Variants in GLRX3 observed in about 807,000 individuals in gnomAD.
GLRX3 encodes glutaredoxin 3.
A neutral mutation model predicts 49.5 loss-of-function variants in GLRX3; 22 were observed. The ratio of observed to expected loss-of-function variants is 0.44; its 90% CI spans 0.32 to 0.63. GLRX3 has a LOEUF of 0.63. Among genes scored for constraint, GLRX3 ranks in the 30% least tolerant of loss-of-function variants. The pLI is 0.05. For missense variants in GLRX3, 385 were observed against 396.3 expected (o/e 0.97, Z 0.24); for synonymous variants, 133 against 140.0 (o/e 0.95, Z 0.35).
At chr10:130,163,204 C>T (rs112831038) in intron 4 of GLRX3, among the ~76,000 whole-genome samples, 4 of 152,004 alleles carry the variant, frequency 2.6e-5, no homozygotes, top group Non-Finnish European at 5.9e-5. Context: ...GTGGGCGGAT[C>T]GCTTGAGATC....
intron 10 of GLRX3, among the ~76,000 whole-genome samples, chr10:130,175,731 C>T (rs1862904417): frequency 6.6e-6 from 1 of 152,242 alleles, no homozygotes; most frequent in South Asian, 2.1e-4. Context: ...TATTTAATGT[C>T]TAGAATTCAG....
chr10:130,173,865 GT>G (rs1862862932), intron 8 of GLRX3, among the ~76,000 whole-genome samples: 1 of 152,254 alleles, frequency 6.6e-6, no homozygotes, highest in Non-Finnish European at 1.5e-5. Context: ...ACCATAGACA[GT>G]TTCCTTGGGA....
At chr10:130,159,948 GA>G in intron 2 of GLRX3, 46 bp from the exon 3 acceptor site, 1 of 1,366,984 alleles carries the variant, frequency 7.3e-7, no homozygotes, top group Non-Finnish European at 1.0e-6. Flanking sequence ...TTAAAGTAGT[GA>G]AAAAGGACCT....
At chr10:130,157,007 T>G (rs1862483100) in intron 2 of GLRX3, among the ~76,000 whole-genome samples, 1 of 152,232 alleles carries the variant, frequency 6.6e-6, no homozygotes, top group Admixed American at 6.5e-5. Flanking sequence ...CAAACTTTGA[T>G]TGTTTCTCAG....
chr10:130,151,466 T>C (rs766297974), intron 2 of GLRX3, among the ~76,000 whole-genome samples: 24 of 152,154 alleles, frequency 1.6e-4, no homozygotes, highest in Non-Finnish European at 2.8e-4. Context: ...TGGTTTGCTG[T>C]ACCCATCAAC....
At position 130,145,238 on chromosome 10, in the gene GLRX3, A is replaced by C; in HGVS notation, c.120A>C (p.Ala40=). The C allele has an allele frequency of 6.6e-7, 1 of 1,519,778 alleles. No homozygotes were observed. Among genetic ancestry groups the C allele is most frequent in the Non-Finnish European group, 9.1e-7 (1 of 1,101,948 alleles). The allele number at this position is 1,519,778 out of a possible 1,614,324, so 94.1% of individuals were successfully genotyped here. ...AKSLLVVHFW[A]PWAPQCAQMN... is the part of the protein sequence containing the mutation. ...CCCTCCTTGTGGTCCATTTCTGGGC[A>C]CCATGGGCTCCACAGTGTGCACAGA... The change falls in exon 2 of 11, where the codon GCA becomes GCC. Residue 40 remains alanine, a synonymous_variant. Coordinates refer to ENST00000331244, the MANE Select transcript of GLRX3 (RefSeq NM_006541.5).
chr10:130,160,992 G>A lies in GLRX3; in HGVS notation c.473G>A (p.Arg158His), dbSNP rs758219293. The A allele has an allele frequency of 3.1e-6, 5 of 1,609,700 alleles. No homozygotes were observed. Among genetic ancestry groups the A allele is most frequent in the South Asian group, 1.1e-5 (1 of 90,990 alleles). Residue 158 changes from arginine (R) to histidine (H), a missense_variant, in exon 4 of 11, where the codon CGC (arginine) becomes CAC (histidine). Transcript: ENST00000331244. Reference sequence around the variant, plus strand: ...ATGAAAGGAACTCCTCAAGAACCACGCTGTGGTAAGAAGCTGCCTTTAACA... The same window carrying A: ...ATGAAAGGAACTCCTCAAGAACCACACTGTGGTAAGAAGCTGCCTTTAACA... ...LFMKGTPQEP[R>H]CGFSKQMVEI...
chr10:130,142,201 T>C (rs1862188478), intron 1 of GLRX3, among the ~76,000 whole-genome samples: 1 of 152,150 alleles, frequency 6.6e-6, no homozygotes, highest in Non-Finnish European at 1.5e-5. Flanking sequence ...GTGGACACTC[T>C]CCCTTCATCA....
intron 2 of GLRX3, among the ~76,000 whole-genome samples, chr10:130,146,089 C>T (rs2134877289): frequency 6.6e-6 from 1 of 151,814 alleles, no homozygotes; most frequent in Admixed American, 6.6e-5. Context: ...CCACGCCTGG[C>T]CAAATGTACA....
rs116670726 is a variant in GLRX3 at position 130,177,730 on chromosome 10, G to T, written c.958-1612G>T. Among the ~76,000 whole-genome samples the T allele has an allele frequency of 5.2e-3, 797 of 152,288 alleles. 11 individuals carry two copies. Among genetic ancestry groups the T allele is most frequent in the African/African-American group, 0.018 (761 of 41,564 alleles). ...CCTTGGAGGGGCAGGGTGTCTGCTTGTTGAGTAGGTAGAAGAAGATCCCTA... is the reference window on the plus strand; with the variant it reads ...CCTTGGAGGGGCAGGGTGTCTGCTTTTTGAGTAGGTAGAAGAAGATCCCTA... On this transcript the variant is annotated intron_variant, in intron 10 of 10. Coordinates refer to ENST00000331244, the MANE Select transcript of GLRX3 (RefSeq NM_006541.5).
At chr10:130,153,829 T>C (rs1411659666) in intron 2 of GLRX3, among the ~76,000 whole-genome samples, 1 of 152,162 alleles carries the variant, frequency 6.6e-6, no homozygotes, top group African/African-American at 2.4e-5. Context: ...ACCTGCTCTC[T>C]TCAGAGCTGT....
chr10:130,161,206 A>G (rs896527043), intron 4 of GLRX3, among the ~76,000 whole-genome samples: 2 of 152,202 alleles, frequency 1.3e-5, no homozygotes, highest in Non-Finnish European at 2.9e-5. Context: ...TTGGAACCAA[A>G]AGGGGTCTCA....
intron 2 of GLRX3, among the ~76,000 whole-genome samples, chr10:130,150,473 A>T (rs750357728): frequency 6.6e-6 from 1 of 152,148 alleles, no homozygotes; most frequent in Non-Finnish European, 1.5e-5. Context: ...TTCATTTGAC[A>T]TTAATTTTGT....
In GLRX3 at chr10:130,136,418, A is replaced by G; in HGVS notation, c.-3A>G. 2 of 1,253,368 alleles carry G rather than the reference A, an allele frequency of 1.6e-6. No individual in the cohort carries two copies. Among genetic ancestry groups the G allele is most frequent in the Non-Finnish European group, 2.0e-6 (2 of 992,884 alleles). The allele number at this position is 1,253,368 out of a possible 1,614,324, so 77.6% of individuals were successfully genotyped here. A position where few individuals can be genotyped will look rare whatever the true frequency, so the allele number is the denominator to read the frequency against. ...TGGATTGCTTCTGTCTGGCGGCGGC[A>G]GCATGGCGGCGGGGGCGGCTGAGGC... On this transcript the variant is annotated 5_prime_UTR_variant, in exon 1 of 11. Coordinates refer to ENST00000331244, the MANE Select transcript of GLRX3 (RefSeq NM_006541.5).
At chr10:130,158,480 A>G (rs1862518369) in intron 2 of GLRX3, among the ~76,000 whole-genome samples, 1 of 152,082 alleles carries the variant, frequency 6.6e-6, no homozygotes, top group African/African-American at 2.4e-5. Context: ...TCTACTTAGT[A>G]TTGCCTTTTT....
chr10:130,157,555 C>T (rs951034149), intron 2 of GLRX3, among the ~76,000 whole-genome samples: 24 of 121,988 alleles, frequency 2.0e-4, no homozygotes, highest in Admixed American at 9.4e-4. Context: ...CTTACTCAGT[C>T]TACTGATTCA....
At chr10:130,177,396 G>T (rs1465950313) in intron 10 of GLRX3, among the ~76,000 whole-genome samples, 1 of 152,182 alleles carries the variant, frequency 6.6e-6, no homozygotes, top group Admixed American at 6.5e-5. Flanking sequence ...CTGCCGGCTC[G>T]CATTAACAGC....
At chr10:130,152,278 C>G (rs192097964) in intron 2 of GLRX3, among the ~76,000 whole-genome samples, 2 of 152,138 alleles carry the variant, frequency 1.3e-5, no homozygotes, top group African/African-American at 4.8e-5. Flanking sequence ...CTCAACCTCC[C>G]GAAGTGCTGG....
chr10:130,151,238 T>A (rs1862371532), intron 2 of GLRX3, among the ~76,000 whole-genome samples: 1 of 152,180 alleles, frequency 6.6e-6, no homozygotes, highest in Non-Finnish European at 1.5e-5. Context: ...GGTAGAATTG[T>A]TAAATCTTAA....
Sources: allele counts gnomAD v4.1 joint callset (sites outside exome capture counted in the v4.1 genomes callset), GRCh38; gene constraint gnomAD v4.1.1; transcripts MANE v1.5; gene names NCBI Gene and HGNC (gene_info 2026-07-23, HGNC 2026-07-21).